MAP2: variants seen among roughly 807,000 people sequenced by gnomAD.
The protein encoded by MAP2 is microtubule associated protein 2.
A neutral mutation model predicts 137.6 loss-of-function variants in MAP2; 14 were observed. The ratio of observed to expected loss-of-function variants is 0.10; its 90% CI spans 0.07 to 0.16. MAP2 has a LOEUF of 0.16. Among genes scored for constraint, MAP2 ranks in the 10% least tolerant of loss-of-function variants. The probability of loss-of-function intolerance (pLI) is 1.00; values close to 1 mark genes in which losing one functional copy is unlikely to be tolerated. For synonymous variants in MAP2, 786 were observed against 782.3 expected (o/e 1.00, Z -0.08); for missense variants, 2,088 against 2,191.5 (o/e 0.95, Z 0.94).
intron 2 of MAP2, among the ~76,000 whole-genome samples, chr2:209,535,943 A>G (rs908304765): frequency 2.0e-5 from 3 of 152,200 alleles, no homozygotes; most frequent in Non-Finnish European, 4.4e-5. Context: ...TTACTGAATA[A>G]TTATACAAAT....
chr2:209,647,737 G>C (rs932707268), intron 4 of MAP2, among the ~76,000 whole-genome samples: 2 of 152,074 alleles, frequency 1.3e-5, no homozygotes, highest in African/African-American at 4.8e-5. Flanking sequence ...AGGTTGGTAT[G>C]AAAACATTCA....
intron 6 of MAP2, 66 bp downstream of exon 6, chr2:209,678,751 C>G: frequency 1.1e-6 from 1 of 916,922 alleles, no homozygotes; most frequent in South Asian, 1.8e-5. Flanking sequence ...ATAAAGTCTT[C>G]ATGTTCAAAA....
chr2:209,513,240 A>G (rs1035273900), intron 2 of MAP2, among the ~76,000 whole-genome samples: 5 of 152,146 alleles, frequency 3.3e-5, no homozygotes, highest in African/African-American at 9.6e-5. Flanking sequence ...GTACCTTCTC[A>G]GGGAGACGCT....
intron 1 of MAP2, among the ~76,000 whole-genome samples, chr2:209,468,655 C>G (rs552342917): frequency 6.6e-6 from 1 of 152,082 alleles, no homozygotes; most frequent in African/African-American, 2.4e-5. Context: ...CAAAGTCTTA[C>G]GTTGAGTTTA....
At position 209,695,794 on chromosome 2, in the gene MAP2, A is replaced by C. The variant is rs779019730; in HGVS notation, c.3624A>C (p.Pro1208=). The C allele has an allele frequency of 6.2e-7, 1 of 1,614,074 alleles. No individual in the cohort carries two copies. Among genetic ancestry groups the C allele is most frequent in the Admixed American group, 1.7e-5 (1 of 60,008 alleles). The change falls in exon 8 of 16, where the codon CCA becomes CCC. Residue 1208 remains proline, a synonymous_variant. Coordinates refer to ENST00000682079, the MANE Select transcript of MAP2 (RefSeq NM_001375505.1). The part of the protein sequence containing the change: ...QGPKEESKET[P]DISITPSDVA... ...CAAAAGAAGAAAGCAAAGAGACCCC[A>C]GATATATCCATCACGCCTTCTGATG... is the stretch of plus-strand genomic sequence containing the variant.
intron 1 of MAP2, among the ~76,000 whole-genome samples, chr2:209,497,326 C>T (rs2059869190): frequency 6.6e-6 from 1 of 152,164 alleles, no homozygotes; most frequent in African/African-American, 2.4e-5. Flanking sequence ...TCTTTCTCCG[C>T]CATGTGAGGA....
chr2:209,486,406 T>C (rs2058385402), intron 1 of MAP2, among the ~76,000 whole-genome samples: 1 of 152,140 alleles, frequency 6.6e-6, no homozygotes, highest in African/African-American at 2.4e-5. Context: ...TGTATTTTAG[T>C]AGAGGTGGGG....
At chr2:209,593,758 T>TA (rs56888176) in intron 3 of MAP2, among the ~76,000 whole-genome samples, 5 of 442 alleles carry the variant, frequency 0.011, no homozygotes, top group Non-Finnish European at 0.021. Flanking sequence ...ATATTATATA[T>TA]AATATATAAT....
At chr2:209,652,684 C>T (rs1235824718) in intron 4 of MAP2, among the ~76,000 whole-genome samples, 1 of 152,114 alleles carries the variant, frequency 6.6e-6, no homozygotes, top group African/African-American at 2.4e-5. Flanking sequence ...TATAGAATTC[C>T]TGCTGTCATT....
chr2:209,593,734 TAATAC>T (rs1378267568), intron 3 of MAP2, among the ~76,000 whole-genome samples: 4 of 2,568 alleles, frequency 1.6e-3, no homozygotes, highest in Non-Finnish European at 3.0e-3. Flanking sequence ...ATATATAATA[TAATAC>T]ATTATATTAT....
intron 3 of MAP2, among the ~76,000 whole-genome samples, chr2:209,604,800 G>A (rs113124143): frequency 4.3e-4 from 66 of 152,250 alleles, no homozygotes; most frequent in African/African-American, 1.4e-3. Context: ...AGTTTGCCAA[G>A]CATGTTGAAT....
intron 2 of MAP2, among the ~76,000 whole-genome samples, chr2:209,518,010 G>A (rs1183455297): frequency 2.0e-5 from 3 of 151,954 alleles, no homozygotes; most frequent in African/African-American, 4.8e-5. Context: ...AAGAGAATTT[G>A]TACATGATAA....
At chr2:209,595,729 G>GTGGAC (rs2081088380) in intron 3 of MAP2, among the ~76,000 whole-genome samples, 2 of 152,188 alleles carry the variant, frequency 1.3e-5, no homozygotes, top group South Asian at 4.1e-4. Flanking sequence ...TGATAGACTG[G>GTGGAC]ATTAAGAAAA....
At chr2:209,607,486 G>A (rs2085183648) in intron 3 of MAP2, among the ~76,000 whole-genome samples, 1 of 152,210 alleles carries the variant, frequency 6.6e-6, no homozygotes, top group South Asian at 2.1e-4. Flanking sequence ...CCAGGCTGGA[G>A]TGCAGTGGCA....
chr2:209,468,400 A>C (rs1345812945), intron 1 of MAP2, among the ~76,000 whole-genome samples: 1 of 145,274 alleles, frequency 6.9e-6, no homozygotes, highest in Non-Finnish European at 1.5e-5. Flanking sequence ...GCTCACTGCA[A>C]GCTCTGCCTC....
intron 2 of MAP2, among the ~76,000 whole-genome samples, chr2:209,523,218 T>C (rs1485134739): frequency 6.6e-6 from 1 of 152,126 alleles, no homozygotes; most frequent in Admixed American, 6.5e-5. Flanking sequence ...CCGAATGCAA[T>C]CTCTCATGGC....
At chr2:209,431,873 A>T (rs1223887744) in intron 1 of MAP2, among the ~76,000 whole-genome samples, 1 of 152,190 alleles carries the variant, frequency 6.6e-6, no homozygotes, top group Admixed American at 6.5e-5. Flanking sequence ...AACCAGCTAC[A>T]TGCCAGCTAC....
In MAP2 at chr2:209,693,280, G is replaced by T. The variant is rs2153717346; in HGVS notation, c.1110G>T (p.Glu370Asp). 2 of 1,614,044 alleles carry T rather than the reference G, an allele frequency of 1.2e-6. No individual in the cohort carries two copies. Among genetic ancestry groups the T allele is most frequent in the Non-Finnish European group, 8.5e-7 (1 of 1,179,990 alleles). The change falls in exon 8 of 16, where the codon GAG (glutamate) becomes GAT (aspartate). Residue 370 changes from glutamate (E) to aspartate (D), a missense_variant. This residue lies in a region of MAP2 where 859 missense variants were observed against 794.5 expected (regional missense o/e 1.08). Coordinates refer to ENST00000682079, the MANE Select transcript of MAP2 (RefSeq NM_001375505.1). Reference sequence around the variant, plus strand: ...CCAAAGATAGTTTTAAAATTGAAGAGCCCCATGAGGCTAAACCTGACAAAA... The same window carrying T: ...CCAAAGATAGTTTTAAAATTGAAGATCCCCATGAGGCTAAACCTGACAAAA... Reference protein sequence around the residue: ...ATAKDSFKIEEPHEAKPDKMA... With the variant: ...ATAKDSFKIEDPHEAKPDKMA...
intron 4 of MAP2, among the ~76,000 whole-genome samples, chr2:209,634,995 G>A (rs1027580424): frequency 1.3e-5 from 2 of 152,150 alleles, no homozygotes; most frequent in African/African-American, 4.8e-5. Context: ...TTGGGAGGCT[G>A]AGATGGGAGG....
Sources: gnomAD v4.1 joint callset for allele counts (sites outside exome capture counted in the v4.1 genomes callset) on GRCh38, gnomAD v4.1.1 for gene constraint, gnomAD v4.1.1 regional missense constraint, MANE v1.5 for transcripts, NCBI Gene and HGNC (gene_info 2026-07-23, HGNC 2026-07-21) for gene names.